Variants in PRKCE observed in about 807,000 individuals in gnomAD.
PRKCE encodes the protein protein kinase C epsilon type.
PRKCE carries 16 observed loss-of-function variants against 85.4 expected under a neutral mutation model. The observed-to-expected ratio is 0.19, with a 90% CI of 0.13 to 0.28. PRKCE has a LOEUF of 0.28. Among genes scored for constraint, PRKCE ranks in the 10% least tolerant of loss-of-function variants. The pLI, the probability that PRKCE is intolerant of heterozygous loss-of-function variation, is 1.00. For missense variants in PRKCE, 573 were observed against 975.2 expected (o/e 0.59, Z 5.49); for synonymous variants, 388 against 371.5 (o/e 1.04, Z -0.51).
intron 1 of PRKCE, among the ~76,000 whole-genome samples, chr2:45,788,301 A>T (rs1203655094): frequency 6.6e-6 from 1 of 152,230 alleles, no homozygotes; most frequent in Non-Finnish European, 1.5e-5. Flanking sequence ...GGTTATAATG[A>T]ACATAATTTA....
At chr2:45,942,002 C>A (rs975121072) in intron 2 of PRKCE, among the ~76,000 whole-genome samples, 5 of 152,138 alleles carry the variant, frequency 3.3e-5, no homozygotes, top group African/African-American at 7.2e-5. Flanking sequence ...CTCCATCTTT[C>A]AAAGAGCTGT....
At chr2:46,002,072 C>G (rs564459930) in intron 7 of PRKCE, among the ~76,000 whole-genome samples, 14 of 152,244 alleles carry the variant, frequency 9.2e-5, no homozygotes, top group African/African-American at 3.1e-4. Flanking sequence ...TCTTTGGAGA[C>G]CAAAACTGTC....
chr2:45,866,443 G>A (rs1693618801), intron 2 of PRKCE, among the ~76,000 whole-genome samples: 2 of 152,194 alleles, frequency 1.3e-5, no homozygotes, highest in African/African-American at 4.8e-5. Context: ...GAGTAGCTGG[G>A]ACTACAGGCG....
At chr2:45,776,188 C>T (rs1685735213) in intron 1 of PRKCE, among the ~76,000 whole-genome samples, 1 of 152,176 alleles carries the variant, frequency 6.6e-6, no homozygotes, top group African/African-American at 2.4e-5. Context: ...TAAAATTAGA[C>T]AATGAATTCT....
chr2:46,100,404 C>T (rs1671092146), intron 11 of PRKCE, among the ~76,000 whole-genome samples: 1 of 152,180 alleles, frequency 6.6e-6, no homozygotes. Context: ...CTGATGTTGC[C>T]AAGTTGTATT....
intron 1 of PRKCE, among the ~76,000 whole-genome samples, chr2:45,779,973 C>CCTCA (rs1686055203): frequency 6.6e-6 from 1 of 152,196 alleles, no homozygotes; most frequent in South Asian, 2.1e-4. Context: ...TTTCTCCCTA[C>CCTCA]CTCACTCCAT....
At chr2:45,962,195 G>A (rs925080124) in intron 2 of PRKCE, among the ~76,000 whole-genome samples, 4 of 152,214 alleles carry the variant, frequency 2.6e-5, no homozygotes, top group Admixed American at 6.5e-5. Context: ...TCAGCAAGGT[G>A]TAGGATGGAA....
intron 2 of PRKCE, among the ~76,000 whole-genome samples, chr2:45,956,201 G>C (rs1478885210): frequency 6.6e-6 from 1 of 152,114 alleles, no homozygotes; most frequent in Non-Finnish European, 1.5e-5. Context: ...ACACCAATTT[G>C]TTTGGTTGTC....
intron 11 of PRKCE, among the ~76,000 whole-genome samples, chr2:46,103,349 C>A (rs1177509119): frequency 6.6e-6 from 1 of 152,182 alleles, no homozygotes; most frequent in Non-Finnish European, 1.5e-5. Context: ...CTAAGGATCC[C>A]TGGCTTCTTT....
chr2:46,023,392 G>T (rs1040127064), intron 10 of PRKCE, among the ~76,000 whole-genome samples: 10 of 152,230 alleles, frequency 6.6e-5, no homozygotes, highest in African/African-American at 2.2e-4. Flanking sequence ...GTTCAGGAGG[G>T]CATCAAGCAA....
At chr2:45,970,436 A>G (rs1005316303) in intron 2 of PRKCE, among the ~76,000 whole-genome samples, 3 of 152,168 alleles carry the variant, frequency 2.0e-5, no homozygotes, top group Non-Finnish European at 4.4e-5. Context: ...CCATTTAATC[A>G]GAAACTAATT....
rs1676016491 is a variant in PRKCE, at chr2:46,145,789, G to A, written c.1731+558G>A. 6.6e-6 allele frequency among the ~76,000 whole-genome samples: 1 copy of A among 151,988 alleles called. No homozygotes were observed. The highest frequency in any genetic ancestry group is 2.4e-5 in the African/African-American group (1 of 41,376). ...AGGCTGAGGTGAAAGGATCAATTGA[G>A]CCCAGAAGGTTGAGGCTATAGTGAG... On this transcript the variant is annotated intron_variant, in intron 12 of 14. Transcript: ENST00000306156. This position sits in a 1 kb window ranked among gnomAD's most constrained non-coding sequence, Gnocchi z 4.6.
At chr2:46,057,091 A>G (rs973681665) in intron 10 of PRKCE, among the ~76,000 whole-genome samples, 1 of 152,086 alleles carries the variant, frequency 6.6e-6, no homozygotes, top group African/African-American at 2.4e-5. Context: ...GTCTCTGTGT[A>G]TGGCCTGACT....
intron 1 of PRKCE, among the ~76,000 whole-genome samples, chr2:45,708,906 C>T (rs34997129): frequency 0.016 from 2,408 of 152,268 alleles, 25 homozygotes; most frequent in Non-Finnish European, 0.025. Context: ...GCCTGACTCT[C>T]CAAATCCCTG....
intron 6 of PRKCE, among the ~76,000 whole-genome samples, chr2:45,993,401 A>T (rs1466276310): frequency 2.6e-5 from 4 of 152,210 alleles, no homozygotes; most frequent in African/African-American, 4.8e-5. Context: ...CACATCGTGC[A>T]TGCTAACTGA....
chr2:45,734,490 G>A (rs1009861558), intron 1 of PRKCE, among the ~76,000 whole-genome samples: 1 of 152,222 alleles, frequency 6.6e-6, no homozygotes, highest in Admixed American at 6.5e-5. Context: ...GGTTGTCTGC[G>A]TTAAGTGGTG....
In PRKCE at chr2:45,744,473, CTT is replaced by C. The variant is rs762908645; in HGVS notation, c.348+92027_348+92028del. Among the ~76,000 whole-genome samples, 96 of 39,108 alleles carry C rather than the reference CTT, an allele frequency of 2.5e-3. 2 individuals are homozygous for C. Among genetic ancestry groups the C allele is most frequent in the Non-Finnish European group, 4.3e-3 (83 of 19,146 alleles). 25.7% of individuals were successfully genotyped at this position (39,108 alleles called of 152,430 possible). On this transcript the variant is annotated intron_variant, in intron 1 of 14. Transcript: ENST00000306156. The stretch of plus-strand genomic sequence containing the variant: ...TCTTTCTTTCTTTCTTTCTTTCTTT[CTT>C]TCTTTCTTTCTTTTTCTTTCTTTCT...
intron 10 of PRKCE, among the ~76,000 whole-genome samples, chr2:46,079,499 G>T (rs1054220999): frequency 6.6e-6 from 1 of 152,166 alleles, no homozygotes. Flanking sequence ...GAATTGATAG[G>T]TTAGATGATA....
At chr2:46,114,167 A>G (rs950893101) in intron 11 of PRKCE, among the ~76,000 whole-genome samples, 3 of 152,106 alleles carry the variant, frequency 2.0e-5, no homozygotes, top group Non-Finnish European at 4.4e-5. Context: ...GCTCTGCTTC[A>G]CAGCAGTGGT....
Sources: gnomAD v4.1 joint callset for allele counts (sites outside exome capture counted in the v4.1 genomes callset) on GRCh38, gnomAD v4.1.1 for gene constraint, Gnocchi (gnomAD v3.1) non-coding constraint, MANE v1.5 for transcripts, NCBI Gene and HGNC (gene_info 2026-07-23, HGNC 2026-07-21) for gene names.